The following FGFR2 variants were observed in gnomAD, a reference collection of about 807,000 sequenced individuals.
The protein encoded by FGFR2 is fibroblast growth factor receptor 2.
FGFR2 carries 19 observed loss-of-function variants against 95.9 expected under a neutral mutation model. That is an observed-to-expected ratio of 0.20 (90% CI 0.14 to 0.29). The LOEUF (loss-of-function observed/expected upper bound fraction) is 0.29. FGFR2 is among the 10% of genes least tolerant of loss of function. FGFR2 has a pLI of 1.00. For synonymous variants in FGFR2, 392 were observed against 393.3 expected (o/e 1.00, Z 0.04); for missense variants, 707 against 1,056.9 (o/e 0.67, Z 4.59).
At chr10:121,482,061 A>G in intron 17 of FGFR2, 1 of 859,204 alleles carries the variant, frequency 1.2e-6, no homozygotes, top group Non-Finnish European at 1.9e-6. Flanking sequence ...CTGGTCTGGA[A>G]CTCCTGACCT....
intron 2 of FGFR2, among the ~76,000 whole-genome samples, chr10:121,566,683 C>T (rs1857717762): frequency 6.6e-6 from 1 of 152,176 alleles, no homozygotes. Flanking sequence ...CACCTGCCCA[C>T]TTTGCCAGCT....
At chr10:121,497,694 G>A (rs1361646930) in intron 12 of FGFR2, among the ~76,000 whole-genome samples, 2 of 152,158 alleles carry the variant, frequency 1.3e-5, no homozygotes, top group African/African-American at 4.8e-5. Flanking sequence ...ACTACAGCCT[G>A]CAAGCCAAAT....
intron 13 of FGFR2, among the ~76,000 whole-genome samples, chr10:121,491,205 G>A (rs531562931): frequency 1.2e-3 from 183 of 152,212 alleles, no homozygotes; most frequent in Non-Finnish European, 2.2e-3. Context: ...AGAGTCTAGC[G>A]TGGCCATCCC....
At chr10:121,533,206 T>C (rs1285833240) in intron 6 of FGFR2, among the ~76,000 whole-genome samples, 2 of 152,162 alleles carry the variant, frequency 1.3e-5, no homozygotes, top group Admixed American at 6.5e-5. Context: ...CTGGCCAACA[T>C]GGTGAAACCC....
At chr10:121,555,104 T>G (rs551609462) in intron 4 of FGFR2, among the ~76,000 whole-genome samples, 1 of 152,296 alleles carries the variant, frequency 6.6e-6, no homozygotes, top group South Asian at 2.1e-4. Flanking sequence ...CCAGGCGCGG[T>G]GGCTCACGCC....
Position 121,565,500 on chromosome 10 carries a change from T to C in FGFR2, c.314A>G (p.Tyr105Cys), listed in dbSNP as rs1434545235. 6.2e-7 allele frequency: 1 copy of C among 1,614,216 alleles called. No individual in the cohort carries two copies. Among genetic ancestry groups the C allele is most frequent in the Admixed American group, 1.7e-5 (1 of 60,010 alleles). The change falls in exon 3 of 18, where the codon TAT becomes TGT. Residue 105 changes from tyrosine to cysteine, a missense_variant. Tyr to Cys is a radical substitution (Grantham distance 194). This residue lies in a region of FGFR2 where 178 missense variants were observed against 194.1 expected (regional missense o/e 0.92). Transcript: ENST00000358487. The part of the protein sequence containing the change: ...KGATPRDSGL[Y>C]ACTASRTVDS... ...TACAGTCCTACTGGCAGTACAAGCA[T>C]AGAGGCCGGAGTCTCTAGGCGTGGC...
At chr10:121,569,450 G>A (rs1285802348) in intron 2 of FGFR2, among the ~76,000 whole-genome samples, 1 of 152,146 alleles carries the variant, frequency 6.6e-6, no homozygotes, top group East Asian at 1.9e-4. Flanking sequence ...TTGAACTCCT[G>A]ACCTCGTGAT....
intron 6 of FGFR2, chr10:121,526,971 T>A (rs1163653996): frequency 7.8e-6 from 3 of 386,264 alleles, no homozygotes; most frequent in African/African-American, 6.2e-5. Context: ...AACAAACTTG[T>A]TTGGGTAAAA....
intron 4 of FGFR2, among the ~76,000 whole-genome samples, chr10:121,561,832 A>C (rs1352263839): frequency 6.6e-6 from 1 of 152,270 alleles, no homozygotes; most frequent in East Asian, 1.9e-4. Context: ...AAGAACTCTT[A>C]TAACTCGACA....
At chr10:121,590,698 G>A (rs1862502468) in intron 2 of FGFR2, among the ~76,000 whole-genome samples, 1 of 152,132 alleles carries the variant, frequency 6.6e-6, no homozygotes, top group Admixed American at 6.6e-5. Flanking sequence ...ATTGCACAAA[G>A]CCAAGATGAC....
intron 13 of FGFR2, 128 bp from the exon 14 acceptor site, chr10:121,488,241 C>T (rs1845681588): frequency 7.8e-7 from 1 of 1,290,198 alleles, no homozygotes; most frequent in Non-Finnish European, 1.1e-6. Context: ...TTGCGGTATA[C>T]TATAAGAAAT....
chr10:121,582,049 C>T (rs530786038), intron 2 of FGFR2, among the ~76,000 whole-genome samples: 256 of 152,024 alleles, frequency 1.7e-3, no homozygotes, highest in African/African-American at 5.6e-3. Flanking sequence ...CTCCTGCCTC[C>T]GCCCCCCAAG....
chr10:121,585,976 G>A (rs1377640707), intron 2 of FGFR2, among the ~76,000 whole-genome samples: 1 of 152,184 alleles, frequency 6.6e-6, no homozygotes, highest in African/African-American at 2.4e-5. Context: ...TGTTCAAAGA[G>A]TTTAAAACCT....
At chr10:121,515,416 C>G (rs751444757) in intron 8 of FGFR2, 97 bp from the exon 9 acceptor site, 4 of 1,250,208 alleles carry the variant, frequency 3.2e-6, no homozygotes, top group South Asian at 1.2e-5. Flanking sequence ...AACCAAAAGG[C>G]GACGACCATT....
At chr10:121,577,116 C>CA (rs1169877394) in intron 2 of FGFR2, among the ~76,000 whole-genome samples, 2 of 109,704 alleles carry the variant, frequency 1.8e-5, no homozygotes, top group Non-Finnish European at 3.4e-5. Flanking sequence ...GCCTGGATGA[C>CA]AGAGCGAGAC....
chr10:121,570,023 G>A (rs1564710026), intron 2 of FGFR2, among the ~76,000 whole-genome samples: 1 of 152,208 alleles, frequency 6.6e-6, no homozygotes, highest in Non-Finnish European at 1.5e-5. Context: ...GCCATACGCT[G>A]GGGAGGGGCC....
intron 2 of FGFR2, among the ~76,000 whole-genome samples, chr10:121,582,656 A>G (rs1861124473): frequency 6.6e-6 from 1 of 152,094 alleles, no homozygotes; most frequent in African/African-American, 2.4e-5. Context: ...GGTGGTGCAC[A>G]TCTGTAATCC....
At chr10:121,543,746 T>C (rs1854095399) in intron 5 of FGFR2, among the ~76,000 whole-genome samples, 1 of 152,138 alleles carries the variant, frequency 6.6e-6, no homozygotes, top group African/African-American at 2.4e-5. Flanking sequence ...TTTCAGGAGG[T>C]GTCCAGAGAA....
chr10:121,554,134 T>C (rs1855782408), intron 4 of FGFR2, among the ~76,000 whole-genome samples: 1 of 152,138 alleles, frequency 6.6e-6, no homozygotes, highest in Admixed American at 6.5e-5. Flanking sequence ...AGGGTACGGG[T>C]GCAGTGCTGC....
Sources: allele counts gnomAD v4.1 joint callset (sites outside exome capture counted in the v4.1 genomes callset), GRCh38; gene constraint gnomAD v4.1.1; regional missense constraint gnomAD v4.1.1; transcripts MANE v1.5; gene names NCBI Gene and HGNC (gene_info 2026-07-23, HGNC 2026-07-21).